The following C8orf74 variants were observed in gnomAD, a reference collection of about 807,000 sequenced individuals.
The protein encoded by C8orf74 is chromosome 8 open reading frame 74, also known as uncharacterized protein C8orf74.
In C8orf74, 29 loss-of-function variants were observed where a neutral mutation model predicts 22.2. The observed-to-expected ratio is 1.31, with a 90% CI of 0.97 to 1.78. The LOEUF (loss-of-function observed/expected upper bound fraction) is 1.78. Among genes scored for constraint, C8orf74 ranks in the 40% most tolerant of loss-of-function variants. The pLI, the probability that C8orf74 is intolerant of heterozygous loss-of-function variation, is 0.00. For synonymous variants in C8orf74, 255 were observed against 163.1 expected, an observed-to-expected ratio of 1.56 and a Z score of -4.30; for missense variants, 515 against 369.9, an observed-to-expected ratio of 1.39 and a Z score of -3.22.
intron 2 of C8orf74, among the ~76,000 whole-genome samples, chr8:10,675,406 T>C (rs544974890): frequency 6.6e-6 from 1 of 152,334 alleles, no homozygotes; most frequent in East Asian, 1.9e-4. Flanking sequence ...TGCAGATTCA[T>C]TCATTAAGCA....
intron 2 of C8orf74, among the ~76,000 whole-genome samples, chr8:10,683,434 T>C (rs1363259532): frequency 6.6e-6 from 1 of 152,186 alleles, no homozygotes; most frequent in Non-Finnish European, 1.5e-5. Context: ...TGGTCAGCCT[T>C]GGAGCCCCCA....
chr8:10,676,334 C>G (rs1490600660), intron 2 of C8orf74, among the ~76,000 whole-genome samples: 1 of 152,142 alleles, frequency 6.6e-6, no homozygotes, highest in Non-Finnish European at 1.5e-5. Context: ...ATCACTCAGT[C>G]CTGCTGGCAA....
intron 2 of C8orf74, among the ~76,000 whole-genome samples, chr8:10,690,221 G>A (rs1467913918): frequency 6.6e-6 from 1 of 152,112 alleles, no homozygotes; most frequent in Non-Finnish European, 1.5e-5. Context: ...TCTCTCCCGG[G>A]AGGAGAGGGG....
At chr8:10,675,850 C>G (rs952027324) in intron 2 of C8orf74, 1 of 152,180 alleles carries the variant, frequency 6.6e-6, no homozygotes, top group Non-Finnish European at 1.5e-5. Context: ...GACTGATAAA[C>G]CTTTCCAAAC....
At chr8:10,677,781 C>T (rs148308179) in intron 2 of C8orf74, among the ~76,000 whole-genome samples, 1 of 152,166 alleles carries the variant, frequency 6.6e-6, no homozygotes, top group Non-Finnish European at 1.5e-5. Context: ...GGTCATGATG[C>T]TCCTGTTTAT....
At chr8:10,690,690 C>T (rs972243128) in intron 2 of C8orf74, among the ~76,000 whole-genome samples, 33 of 152,284 alleles carry the variant, frequency 2.2e-4, no homozygotes, top group Non-Finnish European at 1.8e-4. Flanking sequence ...GCATCTCCCC[C>T]CGGCTCGCCC....
chr8:10,680,338 A>G (rs1799123260), intron 2 of C8orf74, among the ~76,000 whole-genome samples: 1 of 152,214 alleles, frequency 6.6e-6, no homozygotes, highest in South Asian at 2.1e-4. Context: ...AACAGTTCCT[A>G]CTTATAGGAA....
chr8:10,674,885 G>C, intron 2 of C8orf74, 47 bp downstream of exon 2: 3 of 1,501,588 alleles, frequency 2.0e-6, no homozygotes, highest in Non-Finnish European at 2.7e-6. Context: ...GCGGGATGGG[G>C]TGGGTACACA....
intron 2 of C8orf74, among the ~76,000 whole-genome samples, chr8:10,678,592 TAAAAAA>T (rs60385154): frequency 7.6e-6 from 1 of 130,988 alleles, no homozygotes; most frequent in Non-Finnish European, 1.7e-5. Flanking sequence ...GGAAGTAATT[TAAAAAA>T]AAAAAAAAAA....
chr8:10,690,159 A>T (rs548215031), intron 2 of C8orf74, among the ~76,000 whole-genome samples: 5 of 152,192 alleles, frequency 3.3e-5, no homozygotes, highest in Non-Finnish European at 7.3e-5. Flanking sequence ...TGGAGTCTGA[A>T]TACCACCTGA....
At chr8:10,700,156 C>T in intron 3 of C8orf74, 79 bp from the exon 4 acceptor site, 1 of 922,064 alleles carries the variant, frequency 1.1e-6, no homozygotes. Flanking sequence ...ATTCTCGTAC[C>T]TGCAACAGGG....
rs1189317586 is a variant in C8orf74, at chr8:10,697,862, GC to G, written c.507del (p.Thr170HisfsTer2). 8.1e-6 allele frequency: 13 copies of G among 1,613,164 alleles called. No homozygotes were observed. The highest frequency in any genetic ancestry group is 1.3e-5 in the African/African-American group (1 of 74,936). On this transcript the variant is annotated frameshift_variant, in exon 3 of 4. Transcript: ENST00000304519. LOFTEE classifies it high-confidence loss of function. ...CTTGTGGATCCACGAGCAGCAGGTG[GC>G]CACACTGACGGAGGCCGAGGCACAG... ...RDLWIHEQQV[A>X]TLTEAEAQKR...
chr8:10,689,404 G>C (rs902080407), intron 2 of C8orf74: 17 of 152,132 alleles, frequency 1.1e-4, no homozygotes, highest in African/African-American at 3.6e-4. Context: ...CATTGCAAAC[G>C]CTCCATGCCT....
At chr8:10,687,615 CAAAAAAAAAAAA>C (rs374455264) in intron 2 of C8orf74, among the ~76,000 whole-genome samples, 3 of 53,076 alleles carry the variant, frequency 5.7e-5, no homozygotes, top group East Asian at 6.1e-4. Flanking sequence ...GACTCCATCT[CAAAAAAAAAAAA>C]AAAAAAAAAA....
intron 2 of C8orf74, among the ~76,000 whole-genome samples, chr8:10,681,095 A>C (rs570593066): frequency 6.6e-6 from 1 of 151,772 alleles, no homozygotes; most frequent in South Asian, 2.1e-4. Flanking sequence ...ATGTTTGCAC[A>C]GCAGTGATTC....
chr8:10,687,054 C>T, intron 2 of C8orf74: 1 of 456,152 alleles, frequency 2.2e-6, no homozygotes, highest in Non-Finnish European at 4.4e-6. Context: ...AGTCCTAGAG[C>T]CATGCTTCAT....
chr8:10,673,411 G>C (rs1358246366), intron 1 of C8orf74, among the ~76,000 whole-genome samples: 1 of 152,106 alleles, frequency 6.6e-6, no homozygotes, highest in Non-Finnish European at 1.5e-5. Context: ...CTCTTGGCCT[G>C]CCCGTGTGTC....
At chr8:10,686,964 C>T (rs958682244) in intron 2 of C8orf74, 7 of 378,258 alleles carry the variant, frequency 1.9e-5, no homozygotes, top group Non-Finnish European at 3.2e-5. Flanking sequence ...CGTGCCCGCC[C>T]ATCCCACCAT....
chr8:10,685,101 T>A (rs916088644), intron 2 of C8orf74, among the ~76,000 whole-genome samples: 1 of 152,198 alleles, frequency 6.6e-6, no homozygotes, highest in African/African-American at 2.4e-5. Flanking sequence ...TCCGGAGATT[T>A]TTACTTAATC....
Sources: allele counts gnomAD v4.1 joint callset (sites outside exome capture counted in the v4.1 genomes callset), GRCh38; gene constraint gnomAD v4.1.1; transcripts MANE v1.5; gene names NCBI Gene and HGNC (gene_info 2026-07-23, HGNC 2026-07-21).